Variants in ASH1L observed in about 807,000 individuals in gnomAD.
ASH1L encodes histone-lysine N-methyltransferase ASH1L.
A neutral mutation model predicts 269.0 loss-of-function variants in ASH1L; 23 were observed. The ratio of observed to expected loss-of-function variants is 0.09; its 90% CI spans 0.06 to 0.12. The LOEUF (loss-of-function observed/expected upper bound fraction) is 0.12, where lower values mean the gene tolerates loss of function less well. Among genes scored for constraint, ASH1L ranks in the 10% least tolerant of loss-of-function variants. The pLI is 1.00. For missense variants in ASH1L, 2,912 were observed against 3,567.8 expected (o/e 0.82, Z 4.68); for synonymous variants, 1,187 against 1,253.5 (o/e 0.95, Z 1.12).
At chr1:155,360,277 C>A (rs1375036117) in intron 13 of ASH1L, 24 bp downstream of exon 13, 1 of 1,456,456 alleles carries the variant, frequency 6.9e-7, no homozygotes, top group Non-Finnish European at 9.6e-7. Context: ...AGTTCAATCT[C>A]CCTCTAGGAT....
At chr1:155,341,127 A>G (rs752949843) in intron 25 of ASH1L, among the ~76,000 whole-genome samples, 4 of 150,746 alleles carry the variant, frequency 2.7e-5, no homozygotes, top group South Asian at 4.2e-4. Context: ...GCGCGCCACC[A>G]CACCTGGCTA....
chr1:155,361,158 C>T (rs1654906076), intron 12 of ASH1L, among the ~76,000 whole-genome samples: 1 of 151,836 alleles, frequency 6.6e-6, no homozygotes, highest in African/African-American at 2.4e-5. Context: ...CCGAGGAGGG[C>T]AGATCATGAG....
intron 5 of ASH1L, among the ~76,000 whole-genome samples, chr1:155,421,480 G>A (rs1453846846): frequency 6.6e-6 from 1 of 151,650 alleles, no homozygotes; most frequent in Non-Finnish European, 1.5e-5. Context: ...AGACCATCCT[G>A]GCTAACACGG....
At chr1:155,543,820 T>C (rs1029778112) in intron 1 of ASH1L, among the ~76,000 whole-genome samples, 5 of 151,890 alleles carry the variant, frequency 3.3e-5, no homozygotes, top group Non-Finnish European at 7.4e-5. Flanking sequence ...TAGTCCCAGC[T>C]ACTTGGCAGG....
chr1:155,443,677 A>G (rs1662773788), intron 4 of ASH1L, among the ~76,000 whole-genome samples: 1 of 152,208 alleles, frequency 6.6e-6, no homozygotes, highest in Non-Finnish European at 1.5e-5. Context: ...AGAAGTTCAT[A>G]TACATGAAAA....
chr1:155,447,738 G>T (rs922616901), intron 4 of ASH1L, among the ~76,000 whole-genome samples: 5 of 152,092 alleles, frequency 3.3e-5, no homozygotes, highest in African/African-American at 1.2e-4. Context: ...AGAGTGGTTT[G>T]AATTTACATA....
chr1:155,505,300 G>A (rs866819119), intron 2 of ASH1L, among the ~76,000 whole-genome samples: 12 of 152,114 alleles, frequency 7.9e-5, no homozygotes, highest in Non-Finnish European at 1.3e-4. Flanking sequence ...CTAATTTTAA[G>A]CATGAGCCCT....
At position 155,429,980 on chromosome 1, in the gene ASH1L, G is replaced by GTT. The variant is rs112673240; in HGVS notation, c.5828+8345_5828+8346dup. 2.1e-4 allele frequency among the ~76,000 whole-genome samples: 30 copies of GTT among 144,850 alleles called. 1 individual carries two copies. The highest frequency in any genetic ancestry group is 4.8e-4 in the African/African-American group (19 of 39,760). On this transcript the variant is annotated intron_variant, in intron 5 of 27. Transcript: ENST00000392403. ...ATCAGCACGTCCAGCTGATTTTTAA[G>GTT]TTTTTTTTTTTTTGAGACAGAGTCT... is the stretch of plus-strand genomic sequence containing the variant.
intron 24 of ASH1L, 89 bp from the exon 25 acceptor site, chr1:155,342,191 A>T: frequency 1.6e-6 from 2 of 1,252,426 alleles, no homozygotes; most frequent in Non-Finnish European, 2.3e-6. Context: ...ATGGGAGAGC[A>T]GCTAGACCCT....
chr1:155,339,458 A>G, intron 25 of ASH1L, 90 bp from the exon 26 acceptor site: 1 of 1,140,492 alleles, frequency 8.8e-7, no homozygotes, highest in Non-Finnish European at 1.3e-6. Flanking sequence ...GGAACACAGT[A>G]GGGCAGTAGA....
chr1:155,441,347 C>T (rs185209627), intron 4 of ASH1L, among the ~76,000 whole-genome samples: 96 of 151,608 alleles, frequency 6.3e-4, no homozygotes, highest in Non-Finnish European at 1.0e-3. Flanking sequence ...TTCAAGCTTC[C>T]AAGCTGCAAG....
Position 155,445,860 on chromosome 1 carries a change from TTGTG to T in ASH1L, c.5087-6796_5087-6793del, listed in dbSNP as rs146021873. Reference sequence around the variant, plus strand: ...ATTTTAATTTTAGTGAGTACATAGATTGTGTGTGTGTGTGTTTGTGTGTGTGTAC... The same window carrying T: ...ATTTTAATTTTAGTGAGTACATAGATTGTGTGTGTGTTTGTGTGTGTGTAC... On this transcript the variant is annotated intron_variant, in intron 4 of 27. Coordinates refer to ENST00000392403, the MANE Select transcript of ASH1L (RefSeq NM_018489.3). Among the ~76,000 whole-genome samples, 232 of 151,648 alleles carry T rather than the reference TTGTG, an allele frequency of 1.5e-3. 3 individuals carry two copies. The highest frequency in any genetic ancestry group is 2.2e-3 in the Non-Finnish European group (151 of 67,862).
intron 10 of ASH1L, among the ~76,000 whole-genome samples, chr1:155,372,520 G>GCAA (rs1300237178): frequency 3.3e-5 from 5 of 151,828 alleles, no homozygotes; most frequent in Non-Finnish European, 7.4e-5. Context: ...TGTTGGCCAG[G>GCAA]CTGGTCTCGA....
chr1:155,341,354 T>G (rs191328503), intron 25 of ASH1L, among the ~76,000 whole-genome samples: 2 of 152,166 alleles, frequency 1.3e-5, no homozygotes, highest in Non-Finnish European at 2.9e-5. Context: ...TTTGTTGTAT[T>G]TTTAGTAGAG....
In ASH1L at chr1:155,415,879, G is replaced by A. The variant is rs1313396107; in HGVS notation, c.5873C>T (p.Pro1958Leu). ...PVEIPSPSETPAKPSEPESTL... is the reference protein window; with the variant it reads ...PVEIPSPSETLAKPSEPESTL... ...ACTTTCAGGTTCAGAAGGTTTAGCT[G>A]GGGTTTCAGAAGGACTGGGAATCTC... The change falls in exon 6 of 28, where the codon CCA becomes CTA. Residue 1958 changes from proline (P) to leucine (L), a missense_variant. Physicochemically the swap from Pro to Leu is moderately conservative, Grantham distance 98 (BLOSUM62 -3). Transcript: ENST00000392403. 1 of 1,611,034 alleles carries A rather than the reference G, an allele frequency of 6.2e-7. No homozygotes were observed. Among genetic ancestry groups the A allele is most frequent in the African/African-American group, 1.3e-5 (1 of 74,596 alleles).
At chr1:155,355,637 G>A (rs1654310867) in intron 15 of ASH1L, among the ~76,000 whole-genome samples, 1 of 152,196 alleles carries the variant, frequency 6.6e-6, no homozygotes, top group African/African-American at 2.4e-5. Context: ...GGCCTTGGGA[G>A]TTTTTCAAAG....
At chr1:155,411,586 A>AATAAATAAATAAATAAATAAATAT (rs1297131961) in intron 6 of ASH1L, among the ~76,000 whole-genome samples, 1 of 55,192 alleles carries the variant, frequency 1.8e-5, no homozygotes. Flanking sequence ...TAAATAAATA[A>AATAAATAAATAAATAAATAAATAT]ATATATATAT....
chr1:155,341,862 A>G lies in ASH1L; in HGVS notation c.8460+74T>C, dbSNP rs955519933. On this transcript the variant is annotated intron_variant, in intron 25 of 27. Coordinates refer to ENST00000392403, the MANE Select transcript of ASH1L (RefSeq NM_018489.3). The stretch of plus-strand genomic sequence containing the variant: ...TGAAGAAGCAGAGAACTACGTGAAG[A>G]TTTTCGCTCAGTGAATTTCATGCAT... The G allele has an allele frequency of 4.7e-6, 7 of 1,496,042 alleles. No individual in the cohort carries two copies. In the Admixed American group the frequency reaches 1.2e-4, roughly 26 times the overall value. The allele number at this position is 1,496,042 out of a possible 1,614,324, so 92.7% of individuals were successfully genotyped here. A position where few individuals can be genotyped will look rare whatever the true frequency, so the allele number is the denominator to read the frequency against.
At chr1:155,456,616 C>T (rs1442214882) in intron 4 of ASH1L, among the ~76,000 whole-genome samples, 1 of 152,134 alleles carries the variant, frequency 6.6e-6, no homozygotes, top group African/African-American at 2.4e-5. Flanking sequence ...CTTTCACTGC[C>T]AAATTCAAGT....
Sources: gnomAD v4.1 joint callset for allele counts (sites outside exome capture counted in the v4.1 genomes callset) on GRCh38, gnomAD v4.1.1 for gene constraint, MANE v1.5 for transcripts, NCBI Gene and HGNC (gene_info 2026-07-23, HGNC 2026-07-21) for gene names.